Variants in DMAC2L observed in about 807,000 individuals in gnomAD.
DMAC2L encodes distal membrane arm assembly component 2 like.
A neutral mutation model predicts 22.5 loss-of-function variants in DMAC2L; 21 were observed. The ratio of observed to expected loss-of-function variants is 0.93; its 90% CI spans 0.66 to 1.34. The LOEUF (loss-of-function observed/expected upper bound fraction) is 1.34. Ranked by LOEUF, DMAC2L falls within the 40% of genes most tolerant of loss-of-function variation. DMAC2L has a pLI of 0.00. For synonymous variants in DMAC2L, 86 were observed against 89.5 expected (o/e 0.96, Z 0.22); for missense variants, 239 against 246.5 (o/e 0.97, Z 0.20).
intron 2 of DMAC2L, among the ~76,000 whole-genome samples, chr14:50,315,888 T>C (rs2139276023): frequency 6.6e-6 from 1 of 152,280 alleles, no homozygotes; most frequent in East Asian, 1.9e-4. Flanking sequence ...AGTATCTTTT[T>C]TGTATAATGA....
At chr14:50,324,504 T>TGAGG (rs2139322287) in intron 5 of DMAC2L, 1 of 153,852 alleles carries the variant, frequency 6.5e-6, no homozygotes, top group Non-Finnish European at 1.4e-5. Flanking sequence ...TTATTTTGCT[T>TGAGG]GAGGGGAGAA....
Position 50,312,363 on chromosome 14 carries a change from GCTCCCTCC to G in DMAC2L, c.-55_-48del. The stretch of plus-strand genomic sequence containing the variant: ...GCCGCAGACGCGGGGACGCTGGCTC[GCTCCCTCC>G]CTCCCTCCCTCCGACGCTGTGAGTA... On this transcript the variant is annotated 5_prime_UTR_variant, in exon 1 of 6. Coordinates refer to ENST00000557421, the MANE Select transcript of DMAC2L (RefSeq NM_001382507.1). The G allele has an allele frequency of 1.6e-6, 1 of 637,706 alleles. No individual in the cohort carries two copies. Among genetic ancestry groups the G allele is most frequent in the Non-Finnish European group, 2.7e-6 (1 of 371,134 alleles). The allele number at this position is 637,706 out of a possible 1,614,324, so 39.5% of individuals were successfully genotyped here. A position where few individuals can be genotyped will look rare whatever the true frequency, so the allele number is the denominator to read the frequency against.
intron 2 of DMAC2L, among the ~76,000 whole-genome samples, chr14:50,320,827 C>G (rs953841822): frequency 6.6e-6 from 1 of 152,176 alleles, no homozygotes; most frequent in East Asian, 1.9e-4. Flanking sequence ...TGAGGTCAAT[C>G]AAATCGAAAC....
chr14:50,321,740 A>C (rs536000095), intron 3 of DMAC2L, 146 bp downstream of exon 3: 12 of 525,634 alleles, frequency 2.3e-5, no homozygotes, highest in Admixed American at 2.3e-4. Flanking sequence ...CCACACAAAC[A>C]TGGAAAAAAC....
chr14:50,325,755 A>G lies in DMAC2L; in HGVS notation c.*32A>G, dbSNP rs1487292801. ...GTGTCTTATTTCAGTATAAAGGATC[A>G]TTTGAAACTGTTGATTCCAAACATC... is the stretch of plus-strand genomic sequence containing the variant. On this transcript the variant is annotated 3_prime_UTR_variant, in exon 6 of 6. Transcript: ENST00000557421. The G allele has an allele frequency of 6.3e-7, 1 of 1,588,118 alleles. No homozygotes were observed. The highest frequency in any genetic ancestry group is 8.5e-7 in the Non-Finnish European group (1 of 1,170,114).
upstream of DMAC2L, chr14:50,312,125 AC>A: frequency 1.2e-6 from 2 of 1,610,384 alleles, no homozygotes; most frequent in Non-Finnish European, 1.7e-6. Flanking sequence ...GCAGGCACCA[AC>A]CAAATAACGC....
upstream of DMAC2L, chr14:50,312,220 G>C (rs950561439): frequency 6.3e-7 from 1 of 1,579,448 alleles, no homozygotes; most frequent in Admixed American, 1.8e-5. Flanking sequence ...GAGGACCCGC[G>C]CTCTTTAGCC....
chr14:50,318,508 T>G (rs907003892), intron 2 of DMAC2L, among the ~76,000 whole-genome samples: 3 of 152,252 alleles, frequency 2.0e-5, no homozygotes, highest in African/African-American at 4.8e-5. Flanking sequence ...CTAATTCACC[T>G]GCTTAATAAC....
chr14:50,316,070 A>AT (rs1370543999), intron 2 of DMAC2L, among the ~76,000 whole-genome samples: 12 of 150,084 alleles, frequency 8.0e-5, no homozygotes, highest in African/African-American at 2.2e-4. Flanking sequence ...GCCAACATCT[A>AT]TTTTTTTTTA....
In DMAC2L at chr14:50,324,078, T is replaced by C; in HGVS notation, c.450T>C (p.Asn150=). The change falls in exon 5 of 6, where the codon AAT becomes AAC. Residue 150 remains asparagine (N), a synonymous_variant. Coordinates refer to ENST00000557421, the MANE Select transcript of DMAC2L (RefSeq NM_001382507.1). ...AAATGGAAATAATATCCTGTGGGAATATCACAGACAAAGGCATCATTGCTT... is the reference window on the plus strand; with the variant it reads ...AAATGGAAATAATATCCTGTGGGAACATCACAGACAAAGGCATCATTGCTT... ...ILEMEIISCG[N]ITDKGIIALR... is the part of the protein sequence containing the mutation. The C allele has an allele frequency of 7.4e-6, 12 of 1,613,640 alleles. No homozygotes were observed. Among genetic ancestry groups the C allele is most frequent in the South Asian group, 1.1e-5 (1 of 90,948 alleles).
intron 2 of DMAC2L, chr14:50,319,193 G>T (rs947307701): frequency 2.0e-6 from 3 of 1,535,854 alleles, no homozygotes; most frequent in Non-Finnish European, 2.6e-6. Context: ...GTGGGCACAG[G>T]CAGAGAGCGC....
At chr14:50,312,135 G>C (rs1595169898), upstream of DMAC2L, 3 of 1,610,178 alleles carry the variant, frequency 1.9e-6, no homozygotes, top group African/African-American at 1.3e-5. Flanking sequence ...ACCAAATAAC[G>C]CAGCGCTGGC....
intron 2 of DMAC2L, among the ~76,000 whole-genome samples, chr14:50,319,494 C>G (rs1338497229): frequency 6.6e-6 from 1 of 152,224 alleles, no homozygotes; most frequent in African/African-American, 2.4e-5. Flanking sequence ...GGTTTCAACA[C>G]TGCCACCAAT....
At chr14:50,324,200 CTT>C (rs763540026) in intron 5 of DMAC2L, 84 bp downstream of exon 5, 40 of 1,364,038 alleles carry the variant, frequency 2.9e-5, no homozygotes, top group Non-Finnish European at 3.8e-5. Context: ...GGGGTGGTGT[CTT>C]TTTTTAGTTC....
intron 3 of DMAC2L, 77 bp from the exon 4 acceptor site, chr14:50,322,434 T>C: frequency 2.8e-6 from 4 of 1,411,950 alleles, no homozygotes; most frequent in Non-Finnish European, 2.9e-6. Context: ...GCGTTCTGTA[T>C]TATTTATGTC....
intron 1 of DMAC2L, chr14:50,312,779 C>A: frequency 1.9e-6 from 1 of 525,732 alleles, no homozygotes; most frequent in Non-Finnish European, 3.4e-6. Context: ...CGGCCCTAAT[C>A]CTCGCTCCTC....
chr14:50,322,386 T>A (rs2032352116), intron 3 of DMAC2L, 125 bp from the exon 4 acceptor site: 21 of 843,118 alleles, frequency 2.5e-5, no homozygotes, highest in Non-Finnish European at 3.2e-5. Context: ...TCTCACTAAT[T>A]TATCTTCCTC....
chr14:50,313,097 G>C, intron 1 of DMAC2L: 1 of 1,513,108 alleles, frequency 6.6e-7, no homozygotes, highest in Non-Finnish European at 9.2e-7. Context: ...AAAAATGAGG[G>C]CGATGGGCTG....
Position 50,322,723 on chromosome 14 carries a change from A to G in DMAC2L, c.316+4A>G. 6.2e-7 allele frequency: 1 copy of G among 1,614,216 alleles called. No homozygotes were observed. The highest frequency in any genetic ancestry group is 1.1e-5 in the South Asian group (1 of 91,082). On this transcript the variant is annotated splice_donor_region_variant and intron_variant, in intron 4 of 5. Coordinates refer to ENST00000557421, the MANE Select transcript of DMAC2L (RefSeq NM_001382507.1). ...AGCATTGGATTTGATCACATGGGTA[A>G]CTACCCTATCGTTTTGCTAATAGAA...
Sources: gnomAD v4.1 joint callset for allele counts (sites outside exome capture counted in the v4.1 genomes callset) on GRCh38, gnomAD v4.1.1 for gene constraint, MANE v1.5 for transcripts, NCBI Gene and HGNC (gene_info 2026-07-23, HGNC 2026-07-21) for gene names.